Variants in GNB1 observed in about 807,000 individuals in gnomAD.
The protein encoded by GNB1 is guanine nucleotide-binding protein G(I)/G(S)/G(T) subunit beta-1.
In GNB1, 2 loss-of-function variants were observed where a neutral mutation model predicts 42.9. The observed-to-expected ratio is 0.05, with a 90% confidence interval of 0.02 to 0.15. GNB1 has a LOEUF of 0.15. Ranked by LOEUF, GNB1 falls within the 10% of genes least tolerant of loss-of-function variation. The pLI is 1.00. For synonymous variants in GNB1, 183 were observed against 174.7 expected (o/e 1.05, Z -0.38); for missense variants, 193 against 462.2 (o/e 0.42, Z 5.34).
intron 1 of GNB1, among the ~76,000 whole-genome samples, chr1:1,874,199 G>A (rs1054515453): frequency 5.9e-5 from 9 of 151,978 alleles, no homozygotes; most frequent in South Asian, 2.1e-4. Flanking sequence ...GGCCAGGTGC[G>A]GTGGCTCACG....
chr1:1,877,619 T>G (rs1432720961), intron 1 of GNB1, among the ~76,000 whole-genome samples: 1 of 152,164 alleles, frequency 6.6e-6, no homozygotes, highest in Non-Finnish European at 1.5e-5. Context: ...ATTACAGGCA[T>G]GAGCCACCAT....
Position 1,872,990 on chromosome 1 carries a change from T to C in GNB1, c.-96+17830A>G, listed in dbSNP as rs28706073. ...AGGCTGTGATGAAAAATGGCCACGG[T>C]TTCTGCAAGTCCCACCATTAAGGAC... On this transcript the variant is annotated intron_variant, in intron 1 of 11. Coordinates refer to ENST00000378609, the MANE Select transcript of GNB1 (RefSeq NM_002074.5). 1.5e-3 allele frequency among the ~76,000 whole-genome samples: 234 copies of C among 152,148 alleles called. 6 individuals carry two copies. In the East Asian group the frequency reaches 0.041, roughly 26 times the overall value.
rs556437451 is a variant in GNB1, at chr1:1,875,196, GT to G, written c.-96+15623del. Among the ~76,000 whole-genome samples, 842 of 147,142 alleles carry G rather than the reference GT, an allele frequency of 5.7e-3. 10 individuals carry two copies. Among genetic ancestry groups the G allele is most frequent in the African/African-American group, 0.019 (774 of 39,838 alleles). ...TTAGAAGACATTTTATCTTTTTCTG[GT>G]TTTTTTTTTTTGGAGACAAAGTCTT... On this transcript the variant is annotated intron_variant, in intron 1 of 11. Transcript: ENST00000378609.
intron 1 of GNB1, among the ~76,000 whole-genome samples, chr1:1,845,824 TAC>T (rs55953457): frequency 0.13 from 18,465 of 139,682 alleles, 1,207 homozygotes; most frequent in East Asian, 0.17. Context: ...TGTAAGTCCA[TAC>T]ACACACACAC....
chr1:1,849,413 G>T (rs1046978110), intron 1 of GNB1, among the ~76,000 whole-genome samples: 9 of 152,190 alleles, frequency 5.9e-5, no homozygotes, highest in Non-Finnish European at 1.3e-4. Context: ...TTTGTCTGAG[G>T]AAGTCTTTTG....
chr1:1,826,870 T>A (rs943896032), intron 2 of GNB1, among the ~76,000 whole-genome samples: 1 of 152,190 alleles, frequency 6.6e-6, no homozygotes, highest in African/African-American at 2.4e-5. Context: ...CTGACCAAGA[T>A]CTTAGCTGTT....
chr1:1,861,110 C>A (rs77886684), intron 1 of GNB1, among the ~76,000 whole-genome samples: 1,104 of 106,622 alleles, frequency 0.01, no homozygotes, highest in African/African-American at 0.026. Flanking sequence ...CTCTGTCTCA[C>A]AAAAAAAAAA....
At chr1:1,809,126 A>G (rs1369025049) in intron 5 of GNB1, among the ~76,000 whole-genome samples, 1 of 151,972 alleles carries the variant, frequency 6.6e-6, no homozygotes, top group African/African-American at 2.4e-5. Context: ...GCACTTTATT[A>G]CAAAATTTAT....
intron 1 of GNB1, among the ~76,000 whole-genome samples, chr1:1,880,448 C>T (rs975299510): frequency 2.0e-5 from 3 of 151,714 alleles, no homozygotes; most frequent in Non-Finnish European, 2.9e-5. Flanking sequence ...ATTAGCCGGG[C>T]GTGGTGGGGG....
At chr1:1,869,680 A>AC (rs1028085776) in intron 1 of GNB1, among the ~76,000 whole-genome samples, 6 of 152,050 alleles carry the variant, frequency 3.9e-5, no homozygotes, top group African/African-American at 7.3e-5. Context: ...CTTCCAGATG[A>AC]CCCAACTACC....
At chr1:1,852,426 TTCA>T (rs1300645902) in intron 1 of GNB1, among the ~76,000 whole-genome samples, 1 of 152,028 alleles carries the variant, frequency 6.6e-6, no homozygotes, top group Non-Finnish European at 1.5e-5. Flanking sequence ...GAGACGGTGT[TTCA>T]CGATGTTAGC....
intron 1 of GNB1, among the ~76,000 whole-genome samples, chr1:1,849,106 TG>T (rs1297270931): frequency 6.6e-6 from 1 of 152,166 alleles, no homozygotes; most frequent in Non-Finnish European, 1.5e-5. Context: ...CTATCAATTG[TG>T]CCCAAGTAAC....
chr1:1,804,034 C>T (rs1466820822), intron 7 of GNB1, among the ~76,000 whole-genome samples: 1 of 141,582 alleles, frequency 7.1e-6, no homozygotes, highest in Admixed American at 7.4e-5. Context: ...TGGCTCACAC[C>T]TGTAATCCCA....
intron 5 of GNB1, among the ~76,000 whole-genome samples, chr1:1,811,476 C>A (rs147222408): frequency 2.0e-5 from 3 of 150,078 alleles, no homozygotes. Flanking sequence ...GAGCGGATCA[C>A]GAGGTCATGA....
chr1:1,813,617 A>G (rs1646812201), intron 5 of GNB1, among the ~76,000 whole-genome samples: 1 of 151,984 alleles, frequency 6.6e-6, no homozygotes, highest in Admixed American at 6.6e-5. Flanking sequence ...CGGCCTCCTA[A>G]GTAGCTGGGA....
chr1:1,821,348 A>G (rs1026817780), intron 3 of GNB1, among the ~76,000 whole-genome samples: 5 of 152,230 alleles, frequency 3.3e-5, no homozygotes, highest in African/African-American at 1.2e-4. Context: ...TGTTTTAATC[A>G]GAATCCCTCT....
At chr1:1,820,852 C>T (rs1207564187) in intron 3 of GNB1, among the ~76,000 whole-genome samples, 2 of 152,132 alleles carry the variant, frequency 1.3e-5, no homozygotes, top group Non-Finnish European at 2.9e-5. Context: ...TAGCCAATAA[C>T]CAGCTTATTT....
chr1:1,817,860 A>T lies in GNB1; in HGVS notation c.73T>A (p.Cys25Ser). Residue 25 changes from cysteine (C) to serine (S), a missense_variant, in exon 4 of 12, where the codon TGT becomes AGT. Physicochemically the swap from Cys to Ser is moderately radical, Grantham distance 112. This residue lies in a region of GNB1 where 43 missense variants were observed against 51.5 expected (regional missense o/e 0.84). Transcript: ENST00000378609. Reference sequence around the variant, plus strand: ...ACCTGAGAGAGAGTTGCATCTGCACATGCTTTCCTGGCGTCCTGGGAAGCA... The same window carrying T: ...ACCTGAGAGAGAGTTGCATCTGCACTTGCTTTCCTGGCGTCCTGGGAAGCA... ...KNQIRDARKA[C>S]ADATLSQITN... 3 of 1,612,562 alleles carry T rather than the reference A, an allele frequency of 1.9e-6. No individual in the cohort carries two copies. The highest frequency in any genetic ancestry group is 2.5e-6 in the Non-Finnish European group (3 of 1,178,624).
At chr1:1,866,420 T>C (rs572296636) in intron 1 of GNB1, among the ~76,000 whole-genome samples, 5 of 152,336 alleles carry the variant, frequency 3.3e-5, no homozygotes, top group African/African-American at 1.2e-4. Context: ...TACTGTATTG[T>C]GGTCATCTCT....
Sources: gnomAD v4.1 joint callset for allele counts (sites outside exome capture counted in the v4.1 genomes callset) on GRCh38, gnomAD v4.1.1 for gene constraint, gnomAD v4.1.1 regional missense constraint, MANE v1.5 for transcripts, NCBI Gene and HGNC (gene_info 2026-07-23, HGNC 2026-07-21) for gene names.